Variants in SORCS1 observed in about 807,000 individuals in gnomAD.
SORCS1 encodes VPS10 domain-containing receptor SorCS1.
SORCS1 carries 60 observed loss-of-function variants against 146.1 expected under a neutral mutation model. The observed-to-expected ratio is 0.41, with a 90% CI of 0.33 to 0.51. SORCS1 has a LOEUF of 0.51. SORCS1 is among the 20% of genes least tolerant of loss of function. The pLI, the probability that SORCS1 is intolerant of heterozygous loss-of-function variation, is 0.21. For missense variants in SORCS1, 1,352 were observed against 1,487.6 expected (o/e 0.91, Z 1.50); for synonymous variants, 637 against 584.0 (o/e 1.09, Z -1.31).
intron 18 of SORCS1, among the ~76,000 whole-genome samples, chr10:106,636,338 G>A (rs1432807970): frequency 6.6e-6 from 1 of 152,138 alleles, no homozygotes; most frequent in East Asian, 1.9e-4. Context: ...AGAAGACAGA[G>A]AACATTTTTT....
chr10:106,801,681 C>T (rs1358085907), intron 3 of SORCS1, among the ~76,000 whole-genome samples: 1 of 152,054 alleles, frequency 6.6e-6, no homozygotes, highest in Non-Finnish European at 1.5e-5. Context: ...AGGCGCCCGC[C>T]ACCACGCCCG....
chr10:107,139,928 T>C (rs191447039), intron 1 of SORCS1, among the ~76,000 whole-genome samples: 1 of 152,190 alleles, frequency 6.6e-6, no homozygotes, highest in Non-Finnish European at 1.5e-5. Context: ...GAAATTGAGA[T>C]GTAGAGTGTT....
At chr10:107,114,102 T>C (rs1965869703) in intron 1 of SORCS1, among the ~76,000 whole-genome samples, 1 of 152,166 alleles carries the variant, frequency 6.6e-6, no homozygotes, top group Non-Finnish European at 1.5e-5. Context: ...AATGAATAAC[T>C]AGGTAATTTG....
intron 18 of SORCS1, among the ~76,000 whole-genome samples, chr10:106,640,564 C>A (rs990837461): frequency 1.3e-5 from 2 of 152,218 alleles, no homozygotes; most frequent in Non-Finnish European, 2.9e-5. Flanking sequence ...TATGCAGATA[C>A]TACTTCTGCC....
At chr10:106,930,213 C>T (rs1189636084) in intron 2 of SORCS1, among the ~76,000 whole-genome samples, 2 of 151,800 alleles carry the variant, frequency 1.3e-5, no homozygotes, top group East Asian at 1.9e-4. Context: ...ACCCGGGAAG[C>T]GGAGCTTGCA....
chr10:107,034,046 C>G (rs1439566064), intron 1 of SORCS1, among the ~76,000 whole-genome samples: 1 of 152,236 alleles, frequency 6.6e-6, no homozygotes, highest in Non-Finnish European at 1.5e-5. Context: ...AACTGTTAAT[C>G]AGCATCACAA....
intron 2 of SORCS1, among the ~76,000 whole-genome samples, chr10:106,850,601 G>T (rs1015421494): frequency 2.0e-5 from 3 of 152,102 alleles, no homozygotes; most frequent in Non-Finnish European, 4.4e-5. Context: ...CGGCCATCTT[G>T]GCTCCTCCCT....
intron 2 of SORCS1, among the ~76,000 whole-genome samples, chr10:106,839,449 T>C (rs968096162): frequency 8.5e-5 from 13 of 152,064 alleles, no homozygotes; most frequent in African/African-American, 3.1e-4. Flanking sequence ...GGCCAAGAGG[T>C]GAAGACGCTG....
chr10:106,673,864 T>C (rs1851798208), intron 14 of SORCS1, among the ~76,000 whole-genome samples: 1 of 152,224 alleles, frequency 6.6e-6, no homozygotes, highest in African/African-American at 2.4e-5. Context: ...AGCCATGAAG[T>C]GGCCTGTTGG....
intron 1 of SORCS1, among the ~76,000 whole-genome samples, chr10:107,141,294 G>A (rs1027250296): frequency 7.2e-5 from 11 of 152,242 alleles, no homozygotes; most frequent in Non-Finnish European, 2.9e-5. Context: ...CTCAATGGAG[G>A]GGAGGGGCAC....
intron 3 of SORCS1, among the ~76,000 whole-genome samples, chr10:106,816,361 C>T (rs763029401): frequency 7.9e-5 from 12 of 152,168 alleles, no homozygotes; most frequent in Non-Finnish European, 1.2e-4. Context: ...TTACGTTTAC[C>T]TGAGAGGCCA....
chr10:106,834,511 T>C (rs780115871), intron 2 of SORCS1, among the ~76,000 whole-genome samples: 174 of 152,044 alleles, frequency 1.1e-3, no homozygotes, highest in Non-Finnish European at 2.1e-3. Flanking sequence ...ATTAGTGTTC[T>C]GAGCAACACA....
intron 1 of SORCS1, among the ~76,000 whole-genome samples, chr10:107,161,381 G>C (rs1969691781): frequency 6.6e-6 from 1 of 152,170 alleles, no homozygotes; most frequent in Admixed American, 6.5e-5. Flanking sequence ...AATGTGAAAA[G>C]ATAAGAGTCC....
chr10:106,927,390 CGTT>C (rs917977060), intron 2 of SORCS1, among the ~76,000 whole-genome samples: 50 of 152,064 alleles, frequency 3.3e-4, no homozygotes, highest in African/African-American at 1.2e-3. Flanking sequence ...TTCGTGGTCT[CGTT>C]GGCTTCAGGA....
chr10:106,743,318 C>T (rs1187128722), intron 5 of SORCS1, among the ~76,000 whole-genome samples: 2 of 152,178 alleles, frequency 1.3e-5, no homozygotes, highest in Non-Finnish European at 2.9e-5. Context: ...TATGACTATT[C>T]CACAGGGGTC....
chr10:106,759,089 G>A (rs1858882118), intron 5 of SORCS1, among the ~76,000 whole-genome samples: 1 of 152,168 alleles, frequency 6.6e-6, no homozygotes, highest in South Asian at 2.1e-4. Context: ...TCCCACAGGG[G>A]TTTTAGGGCA....
intron 1 of SORCS1, among the ~76,000 whole-genome samples, chr10:107,006,034 A>G (rs1887635): frequency 0.79 from 120,510 of 152,178 alleles, 48,162 homozygotes; most frequent in African/African-American, 0.87. Context: ...ATATTTCCCT[A>G]CATTGTCCAA....
intron 24 of SORCS1, among the ~76,000 whole-genome samples, chr10:106,587,202 A>G (rs1160517991): frequency 6.6e-6 from 1 of 152,214 alleles, no homozygotes; most frequent in Non-Finnish European, 1.5e-5. Flanking sequence ...AAGAAAACAT[A>G]TCGGTACCAA....
intron 2 of SORCS1, among the ~76,000 whole-genome samples, chr10:106,947,123 A>C (rs116221060): frequency 6.6e-6 from 1 of 152,186 alleles, no homozygotes; most frequent in African/African-American, 2.4e-5. Context: ...TTCATCCAAA[A>C]TACTGATTTA....
Sources: gnomAD v4.1 joint callset for allele counts (sites outside exome capture counted in the v4.1 genomes callset) on GRCh38, gnomAD v4.1.1 for gene constraint, MANE v1.5 for transcripts, NCBI Gene and HGNC (gene_info 2026-07-23, HGNC 2026-07-21) for gene names.